Variants in WASL observed in about 807,000 individuals in gnomAD.
The protein encoded by WASL is actin nucleation-promoting factor WASL.
Under a neutral mutation model 55.5 loss-of-function variants are expected in WASL, and 20 were observed. The ratio of observed to expected loss-of-function variants is 0.36; its 90% CI spans 0.25 to 0.52. The LOEUF (loss-of-function observed/expected upper bound fraction) is 0.52. Among genes scored for constraint, WASL ranks in the 20% least tolerant of loss-of-function variants. The pLI is 0.92. For synonymous variants in WASL, 249 were observed against 217.6 expected (o/e 1.14, Z -1.27); for missense variants, 504 against 622.5 (o/e 0.81, Z 2.03).
chr7:123,724,705 T>C (rs1165673671), intron 1 of WASL, among the ~76,000 whole-genome samples: 1 of 152,198 alleles, frequency 6.6e-6, no homozygotes. Flanking sequence ...GCTATCAAAA[T>C]TGTCTTAAAC....
intron 1 of WASL, among the ~76,000 whole-genome samples, chr7:123,737,966 C>A (rs1804266129): frequency 6.6e-6 from 1 of 152,070 alleles, no homozygotes; most frequent in South Asian, 2.1e-4. Context: ...ATATAAAGTG[C>A]TCCTCCAAGT....
intron 1 of WASL, among the ~76,000 whole-genome samples, chr7:123,738,529 T>C (rs1314029650): frequency 2.6e-5 from 4 of 152,230 alleles, no homozygotes; most frequent in Non-Finnish European, 4.4e-5. Flanking sequence ...TGAGGTTTTG[T>C]TGTCATCCAG....
intron 1 of WASL, among the ~76,000 whole-genome samples, chr7:123,725,681 A>T (rs1804030408): frequency 6.6e-6 from 1 of 152,204 alleles, no homozygotes; most frequent in South Asian, 2.1e-4. Flanking sequence ...ATACATGAGG[A>T]AATTAAAATT....
At chr7:123,737,391 A>T (rs1804252887) in intron 1 of WASL, among the ~76,000 whole-genome samples, 2 of 151,998 alleles carry the variant, frequency 1.3e-5, no homozygotes, top group Non-Finnish European at 2.9e-5. Flanking sequence ...AGGTCAAGAG[A>T]TCAAGACCAT....
intron 1 of WASL, among the ~76,000 whole-genome samples, chr7:123,731,710 T>G (rs1244785124): frequency 6.6e-6 from 1 of 152,064 alleles, no homozygotes; most frequent in Non-Finnish European, 1.5e-5. Context: ...CAAAGGAGTC[T>G]CAAGAGAAAT....
At chr7:123,689,297 A>G in intron 9 of WASL, 147 bp from the exon 10 acceptor site, 1 of 588,996 alleles carries the variant, frequency 1.7e-6, no homozygotes, top group Non-Finnish European at 3.0e-6. Flanking sequence ...GATTAATCAA[A>G]TTAACAAGAA....
rs190149222 is a variant in WASL, at chr7:123,684,332, T to C, written c.*187A>G. On this transcript the variant is annotated 3_prime_UTR_variant, in exon 11 of 11. Transcript: ENST00000223023. ...CACACAATAACAGGGAGTAGCTTTG[T>C]AGAGGATTACGACAAACCTTTACAG... The C allele has an allele frequency of 4.5e-5, 11 of 246,508 alleles. No individual in the cohort carries two copies. The highest frequency in any genetic ancestry group is 2.0e-4 in the African/African-American group (9 of 44,252). 15.3% of individuals were successfully genotyped at this position (246,508 alleles called of 1,614,324 possible). A position where few individuals can be genotyped will look rare whatever the true frequency, so the allele number is the denominator to read the frequency against.
chr7:123,696,203 G>C (rs1287576280), intron 6 of WASL, among the ~76,000 whole-genome samples: 1 of 152,030 alleles, frequency 6.6e-6, no homozygotes, highest in Non-Finnish European at 1.5e-5. Context: ...ATATGAAAAT[G>C]CTTGAAATAT....
intron 1 of WASL, among the ~76,000 whole-genome samples, chr7:123,742,398 T>A (rs1227866609): frequency 1.3e-5 from 2 of 152,216 alleles, no homozygotes; most frequent in African/African-American, 4.8e-5. Context: ...AAGATTATTT[T>A]AATCACACAA....
At chr7:123,738,731 T>C (rs1393433459) in intron 1 of WASL, among the ~76,000 whole-genome samples, 2 of 152,012 alleles carry the variant, frequency 1.3e-5, no homozygotes. Context: ...GTGTCTGCCA[T>C]GGACACATAC....
At chr7:123,687,487 C>CT (rs1420170320) in intron 10 of WASL, among the ~76,000 whole-genome samples, 1 of 152,152 alleles carries the variant, frequency 6.6e-6, no homozygotes, top group Admixed American at 6.6e-5. Context: ...ATCGGATACA[C>CT]TTTCCCTAGT....
intron 3 of WASL, 121 bp from the exon 4 acceptor site, chr7:123,706,494 TAA>T (rs1250402996): frequency 3.2e-6 from 3 of 935,920 alleles, no homozygotes; most frequent in Admixed American, 2.7e-5. Flanking sequence ...TACTAGCAGA[TAA>T]GACATTATTT....
chr7:123,722,906 G>A (rs1340782559), intron 1 of WASL, among the ~76,000 whole-genome samples: 1 of 152,150 alleles, frequency 6.6e-6, no homozygotes, highest in Non-Finnish European at 1.5e-5. Context: ...AGCCCTGAAT[G>A]CTAACTGGAC....
chr7:123,739,856 A>G (rs1219890366), intron 1 of WASL, among the ~76,000 whole-genome samples: 1 of 148,758 alleles, frequency 6.7e-6, no homozygotes, highest in Non-Finnish European at 1.5e-5. Flanking sequence ...CTATTATTCA[A>G]ATCTTTTATA....
At position 123,683,184 on chromosome 7, in the gene WASL, AAT is replaced by A. The variant is rs1224220438; in HGVS notation, c.*1333_*1334del. 2.6e-5 allele frequency: 4 copies of A among 152,204 alleles called. No homozygotes were observed. The highest frequency in any genetic ancestry group is 2.1e-4 in the South Asian group (1 of 4,824). 9.4% of individuals were successfully genotyped at this position (152,204 alleles called of 1,614,324 possible). ...TATGCATATTACTCAATGTGAGAAA[AAT>A]ATGTTTGTATTTAAATCAGATAATT... On this transcript the variant is annotated 3_prime_UTR_variant, in exon 11 of 11. Coordinates refer to ENST00000223023, the MANE Select transcript of WASL (RefSeq NM_003941.4).
At chr7:123,710,314 A>G (rs1182574992) in intron 1 of WASL, among the ~76,000 whole-genome samples, 1 of 151,022 alleles carries the variant, frequency 6.6e-6, no homozygotes, top group Non-Finnish European at 1.5e-5. Flanking sequence ...ATATAAATAT[A>G]TATTTTTTTA....
At chr7:123,739,837 C>T (rs1804299999) in intron 1 of WASL, among the ~76,000 whole-genome samples, 1 of 151,536 alleles carries the variant, frequency 6.6e-6, no homozygotes, top group Admixed American at 6.6e-5. Context: ...ATATACCTAT[C>T]TCTCCTCTCT....
At chr7:123,707,515 G>A (rs796571974) in intron 2 of WASL, among the ~76,000 whole-genome samples, 1 of 152,214 alleles carries the variant, frequency 6.6e-6, no homozygotes, top group Non-Finnish European at 1.5e-5. Context: ...AATACCAAAG[G>A]TGACGAATTA....
chr7:123,712,045 T>C (rs904164434), intron 1 of WASL, among the ~76,000 whole-genome samples: 2 of 152,184 alleles, frequency 1.3e-5, no homozygotes, highest in Non-Finnish European at 2.9e-5. Context: ...TCCCTCCCAC[T>C]GTCCTTCTGC....
Sources: allele counts gnomAD v4.1 joint callset (sites outside exome capture counted in the v4.1 genomes callset), GRCh38; gene constraint gnomAD v4.1.1; transcripts MANE v1.5; gene names NCBI Gene and HGNC (gene_info 2026-07-23, HGNC 2026-07-21).